CPLANE1: variants seen among roughly 807,000 people sequenced by gnomAD.
The protein encoded by CPLANE1 is ciliogenesis and planar polarity effector 1.
A neutral mutation model predicts 362.5 loss-of-function variants in CPLANE1; 263 were observed. That is an observed-to-expected ratio of 0.73 (90% confidence interval 0.66 to 0.80). The LOEUF (loss-of-function observed/expected upper bound fraction) is 0.80. CPLANE1 is among the 30% of genes least tolerant of loss of function. CPLANE1 has a pLI of 0.00. For missense variants in CPLANE1, 3,461 were observed against 3,793.4 expected, an observed-to-expected ratio of 0.91 and a Z score of 2.30; for synonymous variants, 1,212 against 1,302.6, an observed-to-expected ratio of 0.93 and a Z score of 1.50.
intron 9 of CPLANE1, among the ~76,000 whole-genome samples, chr5:37,230,095 GA>G (rs1797378442): frequency 6.6e-6 from 1 of 151,570 alleles, no homozygotes; most frequent in Non-Finnish European, 1.5e-5. Context: ...AGAATCGCTT[GA>G]ACCCGGGAGA....
rs1757649894 is a variant in CPLANE1, at chr5:37,106,446, C to A, written c.*1156G>T. 1 of 299,924 alleles carries A rather than the reference C, an allele frequency of 3.3e-6. No individual in the cohort carries two copies. The highest frequency in any genetic ancestry group is 2.3e-5 in the African/African-American group (1 of 44,298). 18.6% of individuals were successfully genotyped at this position (299,924 alleles called of 1,614,324 possible). On this transcript the variant is annotated 3_prime_UTR_variant, in exon 53 of 53. Transcript: ENST00000651892. ...ACATATCAAAATATCACATGCACCC[C>A]ATAAAAATGTACAACTATCATGTAT...
intron 42 of CPLANE1, among the ~76,000 whole-genome samples, chr5:37,149,295 T>G (rs1772768328): frequency 6.6e-6 from 1 of 152,150 alleles, no homozygotes; most frequent in African/African-American, 2.4e-5. Flanking sequence ...TCAAGTCCCT[T>G]ATATAAAATG....
rs755908877 is a variant in CPLANE1, at chr5:37,180,933, C to A, written c.5494G>T (p.Gly1832Cys). 1 of 1,613,670 alleles carries A rather than the reference C, an allele frequency of 6.2e-7. No homozygotes were observed. The highest frequency in any genetic ancestry group is 1.3e-5 in the African/African-American group (1 of 75,024). The change falls in exon 27 of 53, where the codon GGT becomes TGT. Residue 1832 changes from glycine (G) to cysteine (C), a missense_variant. Gly to Cys is a radical substitution (Grantham distance 159). Transcript: ENST00000651892. ...CCTGGAGTTGCTACTGCAACTGAAC[C>A]GCCAGCATCTGATTTGCTCTCCCTC... is the stretch of plus-strand genomic sequence containing the variant. ...IERESKSDAG[G>C]SVAVATPGGT...
chr5:37,093,723 T>C, the CPLANE1 span, among the ~76,000 whole-genome samples: 2 of 152,170 alleles, frequency 1.3e-5, no homozygotes, highest in Non-Finnish European at 2.9e-5. Context: ...ATCTGCACTC[T>C]CCAATCAATA....
At chr5:37,161,756 A>G (rs1776902349) in intron 38 of CPLANE1, among the ~76,000 whole-genome samples, 3 of 152,196 alleles carry the variant, frequency 2.0e-5, no homozygotes. Flanking sequence ...TGAAAGAAAA[A>G]ACAATATCAA....
At chr5:37,121,577 G>A (rs1762639193) in intron 49 of CPLANE1, 40 bp downstream of exon 49, 1 of 1,590,712 alleles carries the variant, frequency 6.3e-7, no homozygotes, top group African/African-American at 1.3e-5. Context: ...TATCAGGCCT[G>A]ACGTTATCTT....
the CPLANE1 span, among the ~76,000 whole-genome samples, chr5:37,077,206 C>T: frequency 2.0e-5 from 3 of 152,066 alleles, no homozygotes; most frequent in Non-Finnish European, 4.4e-5. Flanking sequence ...TGAAGAGTTG[C>T]AGCCAGTCTA....
intron 18 of CPLANE1, among the ~76,000 whole-genome samples, 179 bp from the exon 19 acceptor site, chr5:37,201,987 T>C (rs576543494): frequency 2.6e-5 from 4 of 152,330 alleles, no homozygotes; most frequent in Admixed American, 1.3e-4. Context: ...TTTAAGATTA[T>C]AGGTAAGACC....
chr5:37,088,914 T>C, the CPLANE1 span, among the ~76,000 whole-genome samples: 2 of 152,008 alleles, frequency 1.3e-5, no homozygotes, highest in African/African-American at 4.8e-5. Context: ...CACAGAGAGA[T>C]ATTGGTTATG....
intron 30 of CPLANE1, among the ~76,000 whole-genome samples, chr5:37,176,777 G>C (rs1028519472): frequency 1.0e-5 from 1 of 100,156 alleles, no homozygotes; most frequent in Non-Finnish European, 2.0e-5. Flanking sequence ...TTTTTTTTTT[G>C]AGATGGAGTC....
chr5:37,079,838 C>T, the CPLANE1 span, among the ~76,000 whole-genome samples: 7 of 151,970 alleles, frequency 4.6e-5, no homozygotes, highest in African/African-American at 1.5e-4. Context: ...AAAAGCAAAG[C>T]AAGACATAAA....
At position 37,118,963 on chromosome 5, in the gene CPLANE1, C is replaced by T. The variant is rs574472781; in HGVS notation, c.9310+1253G>A. Among the ~76,000 whole-genome samples, 9 of 152,210 alleles carry T rather than the reference C, an allele frequency of 5.9e-5. No individual in the cohort carries two copies. In the East Asian group the frequency reaches 9.7e-4, roughly 16 times the overall value. On this transcript the variant is annotated intron_variant, in intron 50 of 52. Transcript: ENST00000651892. The stretch of plus-strand genomic sequence containing the variant: ...TCTTGACCTTGTGATCTGCCCACCT[C>T]GGCCTCCCAAAGTGCTGGGATTACA...
At chr5:37,101,320 T>C (rs1334222443), downstream of CPLANE1, among the ~76,000 whole-genome samples, 1 of 152,196 alleles carries the variant, frequency 6.6e-6, no homozygotes, top group Admixed American at 6.5e-5. Flanking sequence ...ACATAAAGGA[T>C]GTTGAATTTT....
At position 37,183,543 on chromosome 5, in the gene CPLANE1, A is replaced by T. The variant is rs1783219870; in HGVS notation, c.4638T>A (p.Asp1546Glu). Residue 1546 changes from aspartate to glutamate, a missense_variant, in exon 26 of 53, where the codon GAT (aspartate) becomes GAA (glutamate). Around this residue, in one of 2 missense-constraint regions of CPLANE1, gnomAD observed 3,380 missense variants for 3,666.1 expected, o/e 0.92. Coordinates refer to ENST00000651892, the MANE Select transcript of CPLANE1 (RefSeq NM_001384732.1). ...CAAGGAATTTAATATATTCATCATC[A>T]TCACGTTCAAATTCCCAAACACCTA... ...PVIGVWEFER[D>E]DDEYIKFLDL... is the part of the protein sequence containing the mutation. 6.2e-7 allele frequency: 1 copy of T among 1,613,688 alleles called. No individual in the cohort carries two copies.
chr5:37,210,441 G>A (rs1203580331), intron 16 of CPLANE1: 24 of 1,032,056 alleles, frequency 2.3e-5, no homozygotes, highest in African/African-American at 4.8e-5. Context: ...ACTAAAGGAC[G>A]ACTACATCAT....
chr5:37,128,882 A>T (rs1052204787), intron 46 of CPLANE1, among the ~76,000 whole-genome samples: 1 of 151,864 alleles, frequency 6.6e-6, no homozygotes, highest in African/African-American at 2.4e-5. Context: ...AAAAATCATC[A>T]TTCTTCACCG....
At position 37,193,835 on chromosome 5, in the gene CPLANE1, C is replaced by T. The variant is rs112767150; in HGVS notation, c.3811+2023G>A. The stretch of plus-strand genomic sequence containing the variant: ...CTCACTGCAGCCTAGAAATCCTGGG[C>T]GCAAGGAATCCTCCTGCCTCAGCCT... On this transcript the variant is annotated intron_variant, in intron 21 of 52. Transcript: ENST00000651892. Among the ~76,000 whole-genome samples the T allele has an allele frequency of 9.4e-3, 1,429 of 151,820 alleles. 21 individuals are homozygous for T. The highest frequency in any genetic ancestry group is 0.027 in the Middle Eastern group (8 of 292).
chr5:37,096,879 G>A, the CPLANE1 span, among the ~76,000 whole-genome samples: 1 of 152,188 alleles, frequency 6.6e-6, no homozygotes, highest in Middle Eastern at 3.4e-3. Context: ...TGCAAGAATG[G>A]CCATAGTAAA....
At chr5:37,076,893 C>G in the CPLANE1 span, among the ~76,000 whole-genome samples, 1 of 149,814 alleles carries the variant, frequency 6.7e-6, no homozygotes, top group South Asian at 2.2e-4. Flanking sequence ...ACTGAAGAAG[C>G]TGAGTGTGTA....
Sources: allele counts gnomAD v4.1 joint callset (sites outside exome capture counted in the v4.1 genomes callset), GRCh38; gene constraint gnomAD v4.1.1; regional missense constraint gnomAD v4.1.1; transcripts MANE v1.5; gene names NCBI Gene and HGNC (gene_info 2026-07-23, HGNC 2026-07-21).